RBFOX3: variants seen among roughly 807,000 people sequenced by gnomAD.
The protein encoded by RBFOX3 is RNA binding fox-1 homolog 3, also known as RNA binding protein fox-1 homolog 3.
RBFOX3 carries 17 observed loss-of-function variants against 48.7 expected under a neutral mutation model. That is an observed-to-expected ratio of 0.35 (90% CI 0.24 to 0.52). The LOEUF is 0.52. Among genes scored for constraint, RBFOX3 ranks in the 20% least tolerant of loss-of-function variants. The pLI is 0.94. For missense variants in RBFOX3, 382 were observed against 497.5 expected, an observed-to-expected ratio of 0.77 and a Z score of 2.21; for synonymous variants, 212 against 209.5, an observed-to-expected ratio of 1.01 and a Z score of -0.10.
intron 1 of RBFOX3, among the ~76,000 whole-genome samples, chr17:79,496,033 G>T (rs1445689412): frequency 2.0e-5 from 3 of 152,016 alleles, no homozygotes; most frequent in African/African-American, 7.3e-5. Flanking sequence ...TCCGAGACTG[G>T]CTGTATGCCA....
chr17:79,301,797 A>G (rs1227402388), intron 3 of RBFOX3, among the ~76,000 whole-genome samples: 1 of 152,220 alleles, frequency 6.6e-6, no homozygotes, highest in Non-Finnish European at 1.5e-5. Context: ...CTCCTGACAC[A>G]GGCCACAATG....
chr17:79,541,394 G>C (rs2089673011), intron 1 of RBFOX3, among the ~76,000 whole-genome samples: 1 of 152,170 alleles, frequency 6.6e-6, no homozygotes, highest in Admixed American at 6.5e-5. Flanking sequence ...AGGAGCTGAA[G>C]GACAATGTCA....
At position 79,190,620 on chromosome 17, in the gene RBFOX3, G is replaced by A. The variant is rs546572777; in HGVS notation, c.-34+45146C>T. On this transcript the variant is annotated intron_variant, in intron 4 of 14. Transcript: ENST00000693108. ...CTGGGGGAGACCCTGCTGTCTCTCC[G>A]GGGAGCCCAGTTAGGTTTTTATCAC... Among the ~76,000 whole-genome samples, 15 of 152,170 alleles carry A rather than the reference G, an allele frequency of 9.9e-5. No homozygotes were observed. The South Asian group carries it at 1.7e-3, about 17-fold the overall frequency.
intron 1 of RBFOX3, among the ~76,000 whole-genome samples, chr17:79,530,360 C>G (rs1326144625): frequency 6.6e-6 from 1 of 152,192 alleles, no homozygotes; most frequent in Non-Finnish European, 1.5e-5. Context: ...AAATCCCCCA[C>G]GCATGGCACC....
rs994842277 is a variant in RBFOX3, at chr17:79,392,071, G to A, written c.-174-84247C>T. Among the ~76,000 whole-genome samples, 2 of 152,194 alleles carry A rather than the reference G, an allele frequency of 1.3e-5. No homozygotes were observed. The highest frequency in any genetic ancestry group is 2.9e-5 in the Non-Finnish European group (2 of 68,028). ...AAGCAACAGGGTTCCCATAGTGCCC[G>A]GGCACTTCGGACCCGCTGCGGGACC... On this transcript the variant is annotated intron_variant, in intron 2 of 14. Coordinates refer to ENST00000693108, the MANE Select transcript of RBFOX3 (RefSeq NM_001350451.2). This position sits in a 1 kb window ranked among gnomAD's most constrained non-coding sequence, Gnocchi z 5.0.
the RBFOX3 span, among the ~76,000 whole-genome samples, chr17:79,656,668 G>GAAAGAAA: frequency 1.1e-5 from 1 of 90,882 alleles, no homozygotes; most frequent in African/African-American, 5.7e-5. Flanking sequence ...AGAGAAGAAA[G>GAAAGAAA]GAAAGAAGGA....
chr17:79,582,937 G>A (rs2093125626), intron 1 of RBFOX3, among the ~76,000 whole-genome samples: 1 of 152,114 alleles, frequency 6.6e-6, no homozygotes, highest in South Asian at 2.1e-4. Context: ...CAGAGCCATG[G>A]ACCACTGCGA....
In RBFOX3 at chr17:79,097,723, G is replaced by T. The variant is rs2075649710; in HGVS notation, c.591C>A (p.Val197=). 1 of 1,513,464 alleles carries T rather than the reference G, an allele frequency of 6.6e-7. No homozygotes were observed. The highest frequency in any genetic ancestry group is 8.9e-7 in the Non-Finnish European group (1 of 1,123,254). The allele number at this position is 1,513,464 out of a possible 1,614,324, so 93.8% of individuals were successfully genotyped here. The change falls in exon 10 of 15, where the codon GTC becomes GTA. Residue 197 remains valine (V), a synonymous_variant. Coordinates refer to ENST00000693108, the MANE Select transcript of RBFOX3 (RefSeq NM_001350451.2). ...AGAATTCAGGCCCGTAGACTGCGCC[G>T]ACCACTGGATTTAGCTTCCAGCCTA... ...YTNGWKLNPV[V]GAVYGPEFYA...
chr17:79,342,446 A>C (rs994423955), intron 2 of RBFOX3, among the ~76,000 whole-genome samples: 2 of 152,194 alleles, frequency 1.3e-5, no homozygotes, highest in Non-Finnish European at 2.9e-5. Context: ...CTTGCTGAGA[A>C]AGGCAATATG....
At chr17:79,222,460 C>T (rs1425232906) in intron 4 of RBFOX3, among the ~76,000 whole-genome samples, 1 of 152,234 alleles carries the variant, frequency 6.6e-6, no homozygotes, top group Non-Finnish European at 1.5e-5. Context: ...TGGGGAAGCT[C>T]CTGTTCTTTT....
At position 79,593,931 on chromosome 17, in the gene RBFOX3, C is replaced by T. The variant is rs918791276; in HGVS notation, c.-320+16895G>A. Among the ~76,000 whole-genome samples, 1,128 of 152,292 alleles carry T rather than the reference C, an allele frequency of 7.4e-3. 12 individuals are homozygous for T. Among genetic ancestry groups the T allele is most frequent in the Middle Eastern group, 0.02 (6 of 294 alleles). On this transcript the variant is annotated intron_variant, in intron 1 of 14. Transcript: ENST00000693108. ...TTGTTGGGGGTGGGAGGCACTTGGACCAAAGGGTTTGGGCACCTGGGGAAT... is the reference window on the plus strand; with the variant it reads ...TTGTTGGGGGTGGGAGGCACTTGGATCAAAGGGTTTGGGCACCTGGGGAAT...
chr17:79,175,128 C>T (rs963526162), intron 4 of RBFOX3, among the ~76,000 whole-genome samples: 4 of 152,242 alleles, frequency 2.6e-5, no homozygotes, highest in South Asian at 2.1e-4. Flanking sequence ...ATGATAACTC[C>T]GCCAGGGCAG....
chr17:79,555,853 GTGA>G (rs1463843160), intron 1 of RBFOX3, among the ~76,000 whole-genome samples: 1 of 151,866 alleles, frequency 6.6e-6, no homozygotes, highest in Admixed American at 6.5e-5. Context: ...GGTAACGGTG[GTGA>G]TGATGATGAT....
chr17:79,368,671 C>G (rs534573970), intron 2 of RBFOX3, among the ~76,000 whole-genome samples: 64 of 152,136 alleles, frequency 4.2e-4, no homozygotes, highest in Non-Finnish European at 7.6e-4. Flanking sequence ...AGCAACCAAC[C>G]CAGAGGTCCT....
intron 2 of RBFOX3, among the ~76,000 whole-genome samples, chr17:79,441,828 C>T (rs1167469704): frequency 2.0e-5 from 3 of 152,094 alleles, no homozygotes; most frequent in South Asian, 4.2e-4. Flanking sequence ...CCAGGGCTGA[C>T]GTGGTGCTGG....
chr17:79,229,090 G>T (rs1454579262), intron 4 of RBFOX3, among the ~76,000 whole-genome samples: 3 of 151,494 alleles, frequency 2.0e-5, no homozygotes, highest in African/African-American at 4.9e-5. Flanking sequence ...GTAGCCAGGC[G>T]TGGTGGCATA....
At chr17:79,396,136 C>T (rs1434326128) in intron 2 of RBFOX3, among the ~76,000 whole-genome samples, 1 of 152,248 alleles carries the variant, frequency 6.6e-6, no homozygotes, top group Non-Finnish European at 1.5e-5. Flanking sequence ...CACCTGGGGC[C>T]GGAGGGCCCT....
chr17:79,122,336 C>T (rs992932578), intron 4 of RBFOX3, among the ~76,000 whole-genome samples: 4 of 152,158 alleles, frequency 2.6e-5, no homozygotes, highest in Admixed American at 1.3e-4. Context: ...CAGGGTCCTG[C>T]ACGACCCCTG....
intron 4 of RBFOX3, among the ~76,000 whole-genome samples, chr17:79,127,470 A>G (rs1169938856): frequency 2.0e-5 from 3 of 152,184 alleles, no homozygotes; most frequent in Admixed American, 6.5e-5. Context: ...ATTTGCTTCT[A>G]TTTTCTTGCA....
Sources: allele counts gnomAD v4.1 joint callset (sites outside exome capture counted in the v4.1 genomes callset), GRCh38; gene constraint gnomAD v4.1.1; non-coding constraint Gnocchi (gnomAD v3.1); transcripts MANE v1.5; gene names NCBI Gene and HGNC (gene_info 2026-07-23, HGNC 2026-07-21).